Variants in TIMM9 observed in about 807,000 individuals in gnomAD.
TIMM9 encodes the protein translocase of inner mitochondrial membrane 9.
A neutral mutation model predicts 13.4 loss-of-function variants in TIMM9; 10 were observed. The ratio of observed to expected loss-of-function variants is 0.75; its 90% CI spans 0.46 to 1.26. TIMM9 has a LOEUF of 1.26. Ranked by LOEUF, TIMM9 falls within the 50% of genes most tolerant of loss-of-function variation. The pLI, the probability that TIMM9 is intolerant of heterozygous loss-of-function variation, is 0.00. For synonymous variants in TIMM9, 32 were observed against 32.1 expected (o/e 1.00, Z 0.01); for missense variants, 87 against 100.8 (o/e 0.86, Z 0.58).
intron 3 of TIMM9, among the ~76,000 whole-genome samples, chr14:58,415,954 G>A (rs992648476): frequency 6.6e-6 from 1 of 151,692 alleles, no homozygotes; most frequent in Non-Finnish European, 1.5e-5. Context: ...AGTGCCTCAC[G>A]TCTATAATCC....
intron 3 of TIMM9, among the ~76,000 whole-genome samples, chr14:58,423,257 C>G (rs1388374752): frequency 1.3e-5 from 2 of 151,814 alleles, no homozygotes; most frequent in Admixed American, 6.6e-5. Flanking sequence ...GTGGCTCACA[C>G]CTGTAATCCC....
At chr14:58,417,241 T>C (rs2036440947) in intron 3 of TIMM9, among the ~76,000 whole-genome samples, 1 of 151,930 alleles carries the variant, frequency 6.6e-6, no homozygotes, top group Non-Finnish European at 1.5e-5. Flanking sequence ...GTCTAGGGTA[T>C]GTCTTTACCA....
At chr14:58,424,913 A>G in intron 2 of TIMM9, among the ~76,000 whole-genome samples, 1 of 152,026 alleles carries the variant, frequency 6.6e-6, no homozygotes, top group East Asian at 1.9e-4. Flanking sequence ...CATCACAAAC[A>G]TGGGTGCCAA....
intron 2 of TIMM9, among the ~76,000 whole-genome samples, chr14:58,425,901 G>C (rs1424944943): frequency 6.6e-6 from 1 of 152,058 alleles, no homozygotes. Flanking sequence ...GGTGAATCAA[G>C]TCAGGAGTTC....
chr14:58,413,078 A>G (rs535317915), intron 3 of TIMM9, among the ~76,000 whole-genome samples: 14 of 152,304 alleles, frequency 9.2e-5, no homozygotes, highest in African/African-American at 2.4e-4. Flanking sequence ...ATTTCAACAT[A>G]CAATCACATA....
At chr14:58,412,413 T>G (rs1681634589) in intron 3 of TIMM9, among the ~76,000 whole-genome samples, 1 of 152,256 alleles carries the variant, frequency 6.6e-6, no homozygotes, top group Non-Finnish European at 1.5e-5. Flanking sequence ...GTGCTGGGAT[T>G]ACAGGCGTTA....
chr14:58,410,750 G>T, intron 5 of TIMM9, 93 bp downstream of exon 5: 1 of 852,194 alleles, frequency 1.2e-6, no homozygotes, highest in Non-Finnish European at 1.8e-6. Context: ...CTAAATTCCT[G>T]TAATAAGTAG....
chr14:58,416,688 C>G (rs1455650281), intron 3 of TIMM9, among the ~76,000 whole-genome samples: 2 of 152,202 alleles, frequency 1.3e-5, no homozygotes, highest in Admixed American at 1.3e-4. Flanking sequence ...TATTGTGGTT[C>G]TAAATGTATG....
intron 2 of TIMM9, 50 bp downstream of exon 2, chr14:58,427,003 AC>A (rs976994911): frequency 6.5e-6 from 1 of 152,820 alleles, no homozygotes; most frequent in Non-Finnish European, 1.5e-5. Flanking sequence ...GTAGCCTGCC[AC>A]CCCCCGTCCG....
chr14:58,421,784 GA>G (rs36014363), intron 3 of TIMM9, among the ~76,000 whole-genome samples: 1 of 151,360 alleles, frequency 6.6e-6, no homozygotes, highest in East Asian at 1.9e-4. Flanking sequence ...GTGAGAACTT[GA>G]AAAAAAATAC....
intron 3 of TIMM9, among the ~76,000 whole-genome samples, chr14:58,416,792 T>C (rs2036424191): frequency 6.6e-6 from 1 of 152,150 alleles, no homozygotes; most frequent in Admixed American, 6.5e-5. Context: ...AGAAAAAGTT[T>C]TAGTACTAAA....
chr14:58,418,707 C>T (rs1024920583), intron 3 of TIMM9, among the ~76,000 whole-genome samples: 1 of 151,770 alleles, frequency 6.6e-6, no homozygotes, highest in Non-Finnish European at 1.5e-5. Flanking sequence ...TTTACAATTA[C>T]TCAAAGAAAA....
chr14:58,416,002 G>A (rs1037422480), intron 3 of TIMM9, among the ~76,000 whole-genome samples: 1 of 151,640 alleles, frequency 6.6e-6, no homozygotes, highest in South Asian at 2.1e-4. Flanking sequence ...GGTCGATTGA[G>A]GTCAGGAGTT....
chr14:58,413,068 A>G (rs539038084), intron 3 of TIMM9, among the ~76,000 whole-genome samples: 59 of 152,176 alleles, frequency 3.9e-4, no homozygotes, highest in Non-Finnish European at 7.3e-4. Context: ...AGATTTTAAC[A>G]TTTCAACATA....
chr14:58,423,769 T>C (rs2036659336), intron 3 of TIMM9: 1 of 152,178 alleles, frequency 6.6e-6, no homozygotes, highest in Non-Finnish European at 1.5e-5. Flanking sequence ...TATTTGATCC[T>C]AGTTTCCATA....
intron 2 of TIMM9, among the ~76,000 whole-genome samples, chr14:58,426,343 C>A (rs766688829): frequency 4.6e-5 from 7 of 151,504 alleles, no homozygotes; most frequent in Admixed American, 1.3e-4. Flanking sequence ...GTAGCTGGGA[C>A]TACAGGCGCG....
chr14:58,413,385 C>A (rs1174878328), intron 3 of TIMM9, among the ~76,000 whole-genome samples: 1 of 152,168 alleles, frequency 6.6e-6, no homozygotes, highest in Non-Finnish European at 1.5e-5. Context: ...TTAACAAACA[C>A]CATTTGCTTA....
intron 4 of TIMM9, 148 bp from the exon 5 acceptor site, chr14:58,411,086 G>A (rs2036199954): frequency 6.7e-6 from 4 of 594,584 alleles, no homozygotes; most frequent in Non-Finnish European, 1.2e-5. Flanking sequence ...GGTACAGTAT[G>A]ATCTACAGAA....
At chr14:58,418,148 G>T (rs1298946279) in intron 3 of TIMM9, among the ~76,000 whole-genome samples, 1 of 152,106 alleles carries the variant, frequency 6.6e-6, no homozygotes, top group Non-Finnish European at 1.5e-5. Context: ...GTTTATTCCA[G>T]GGATGCAAGA....
Sources: gnomAD v4.1 joint callset for allele counts (sites outside exome capture counted in the v4.1 genomes callset) on GRCh38, gnomAD v4.1.1 for gene constraint, MANE v1.5 for transcripts, NCBI Gene and HGNC (gene_info 2026-07-23, HGNC 2026-07-21) for gene names.